The following IQSEC1 variants were observed in gnomAD, a reference collection of about 807,000 sequenced individuals.
IQSEC1 encodes IQ motif and SEC7 domain-containing protein 1.
IQSEC1 carries 31 observed loss-of-function variants against 91.0 expected under a neutral mutation model. The ratio of observed to expected loss-of-function variants is 0.34; its 90% CI spans 0.26 to 0.46. IQSEC1 has a LOEUF of 0.46. Ranked by LOEUF, IQSEC1 falls within the 20% of genes least tolerant of loss-of-function variation. The pLI is 1.00. For synonymous variants in IQSEC1, 699 were observed against 662.6 expected (o/e 1.05, Z -0.84); for missense variants, 1,388 against 1,575.6 (o/e 0.88, Z 2.02).
At chr3:12,981,675 T>A (rs1007800591) in intron 1 of IQSEC1, among the ~76,000 whole-genome samples, 2 of 152,210 alleles carry the variant, frequency 1.3e-5, no homozygotes, top group Non-Finnish European at 1.5e-5. Context: ...AATTGTGAAG[T>A]ATGATTGTAG....
chr3:13,032,247 C>G (rs1703869046), intron 1 of IQSEC1, among the ~76,000 whole-genome samples: 1 of 152,242 alleles, frequency 6.6e-6, no homozygotes, highest in Non-Finnish European at 1.5e-5. Flanking sequence ...CTGACACTGA[C>G]TCGGTACTAC....
rs999344382 is a variant in IQSEC1, at chr3:12,967,375, C to T, written c.24-25510G>A. The T allele has an allele frequency of 5.9e-6, 9 of 1,532,556 alleles. No homozygotes were observed. Among genetic ancestry groups the T allele is most frequent in the Non-Finnish European group, 7.9e-6 (9 of 1,143,498 alleles). The allele number at this position is 1,532,556 out of a possible 1,614,324, so 94.9% of individuals were successfully genotyped here. A position where few individuals can be genotyped will look rare whatever the true frequency, so the allele number is the denominator to read the frequency against. On this transcript the variant is annotated intron_variant, in intron 1 of 13. Coordinates refer to ENST00000613206, the MANE Select transcript of IQSEC1 (RefSeq NM_001134382.3). This position sits in a 1 kb window ranked among gnomAD's most constrained non-coding sequence, Gnocchi z 5.9. ...ACCCGGGAAGGCCGCTCGCCCCGCGCCGCGCCCTCACCCGCTGTCAAGCTC... is the reference window on the plus strand; with the variant it reads ...ACCCGGGAAGGCCGCTCGCCCCGCGTCGCGCCCTCACCCGCTGTCAAGCTC...
intron 2 of IQSEC1, among the ~76,000 whole-genome samples, chr3:13,085,960 G>A (rs896846443): frequency 1.3e-5 from 2 of 152,234 alleles, no homozygotes; most frequent in African/African-American, 4.8e-5. Flanking sequence ...GTGGCTCCAC[G>A]CGGCCCCTCT....
intron 1 of IQSEC1, among the ~76,000 whole-genome samples, chr3:13,069,563 T>G (rs1416790054): frequency 1.3e-5 from 2 of 152,174 alleles, no homozygotes; most frequent in Non-Finnish European, 2.9e-5. Context: ...CAGGTCATCA[T>G]GTCCCCCAAA....
At chr3:13,264,354 G>T (rs139330282) in intron 1 of IQSEC1, among the ~76,000 whole-genome samples, 1 of 152,334 alleles carries the variant, frequency 6.6e-6, no homozygotes, top group Non-Finnish European at 1.5e-5. Flanking sequence ...GAGGCCGAGG[G>T]CTCTAAGGAC....
At position 12,967,530 on chromosome 3, in the gene IQSEC1, C is replaced by G. The variant is rs997187580; in HGVS notation, c.24-25665G>C. The G allele has an allele frequency of 7.2e-6, 10 of 1,389,588 alleles. No homozygotes were observed. The highest frequency in any genetic ancestry group is 8.3e-6 in the Non-Finnish European group (9 of 1,080,078). The allele number at this position is 1,389,588 out of a possible 1,614,324, so 86.1% of individuals were successfully genotyped here. ...AGGCCGCCGACTCCCGCCAGCGAGC[C>G]GCCGGATCCCGGGGCCGACACCCGG... On this transcript the variant is annotated intron_variant, in intron 1 of 13. Transcript: ENST00000613206. This position sits in a 1 kb window ranked among gnomAD's most constrained non-coding sequence, Gnocchi z 5.9.
At chr3:13,233,525 C>T (rs973879192) in intron 1 of IQSEC1, among the ~76,000 whole-genome samples, 18 of 152,308 alleles carry the variant, frequency 1.2e-4, no homozygotes, top group Admixed American at 4.6e-4. Context: ...TCTATTCCAC[C>T]GTGTGGACAG....
At chr3:13,111,124 G>T (rs1706237968) in intron 2 of IQSEC1, among the ~76,000 whole-genome samples, 1 of 152,204 alleles carries the variant, frequency 6.6e-6, no homozygotes, top group South Asian at 2.1e-4. Context: ...AGGCTGGAGA[G>T]CAAAACACTG....
chr3:13,072,696 C>T (rs929393390), intron 1 of IQSEC1, among the ~76,000 whole-genome samples: 1 of 152,236 alleles, frequency 6.6e-6, no homozygotes, highest in Non-Finnish European at 1.5e-5. Context: ...CAGTAGGAGC[C>T]GGTCTGGGCA....
At chr3:12,946,089 A>G (rs1433877757) in intron 1 of IQSEC1, among the ~76,000 whole-genome samples, 2 of 152,180 alleles carry the variant, frequency 1.3e-5, no homozygotes, top group Non-Finnish European at 2.9e-5. Context: ...CAGATACCTT[A>G]GTGACAGAGC....
chr3:13,147,955 T>G (rs1706925477), intron 2 of IQSEC1, among the ~76,000 whole-genome samples: 1 of 152,242 alleles, frequency 6.6e-6, no homozygotes, highest in Admixed American at 6.5e-5. Flanking sequence ...TTTGATATAG[T>G]GACTTCTTTT....
At chr3:13,095,410 G>A (rs903671926) in intron 2 of IQSEC1, among the ~76,000 whole-genome samples, 1 of 152,182 alleles carries the variant, frequency 6.6e-6, no homozygotes, top group African/African-American at 2.4e-5. Flanking sequence ...GCTGGTGTGC[G>A]CTCCTTTAGG....
chr3:13,266,454 G>C (rs1695490977), intron 1 of IQSEC1, among the ~76,000 whole-genome samples: 1 of 152,174 alleles, frequency 6.6e-6, no homozygotes, highest in South Asian at 2.1e-4. Flanking sequence ...TGGGTGACGG[G>C]GAGCCCACAG....
intron 1 of IQSEC1, among the ~76,000 whole-genome samples, chr3:13,243,135 G>C (rs1420137648): frequency 6.6e-6 from 1 of 152,164 alleles, no homozygotes; most frequent in Non-Finnish European, 1.5e-5. Context: ...TTCGCACACA[G>C]AGATGCTCAC....
intron 1 of IQSEC1, among the ~76,000 whole-genome samples, chr3:13,025,743 G>A (rs1278026675): frequency 2.0e-5 from 3 of 152,324 alleles, no homozygotes; most frequent in Middle Eastern, 6.8e-3. Context: ...GGAACTGCAG[G>A]TGACAGTATG....
Position 13,096,447 on chromosome 3 carries a change from C to T in IQSEC1, c.303-48925G>A, listed in dbSNP as rs149188555. Reference sequence around the variant, plus strand: ...ACACTGGGCCGTGTAGGGCACACGCCCTTCCCAGAAGGGATTCGCAGTCTA... The same window carrying T: ...ACACTGGGCCGTGTAGGGCACACGCTCTTCCCAGAAGGGATTCGCAGTCTA... On this transcript the variant is annotated intron_variant, in intron 2 of 15. Coordinates refer to the IQSEC1 transcript ENST00000648114. Among the ~76,000 whole-genome samples the T allele has an allele frequency of 1.3e-3, 197 of 152,258 alleles. 2 individuals carry two copies. The highest frequency in any genetic ancestry group is 4.3e-3 in the African/African-American group (180 of 41,540).
intron 1 of IQSEC1, among the ~76,000 whole-genome samples, chr3:12,985,087 G>A (rs1701661312): frequency 6.6e-6 from 1 of 152,104 alleles, no homozygotes; most frequent in Admixed American, 6.5e-5. Flanking sequence ...GCCTCCCAAA[G>A]TGCTGGGATT....
In IQSEC1 at chr3:12,940,458, G is replaced by A. The variant is rs1476899836; in HGVS notation, c.318+1113C>T. Among the ~76,000 whole-genome samples the A allele has an allele frequency of 6.6e-6, 1 of 151,778 alleles. No homozygotes were observed. Among genetic ancestry groups the A allele is most frequent in the Non-Finnish European group, 1.5e-5 (1 of 67,908 alleles). ...AAAAAGGATAACCAGGAAGATCTGGGAGCAAGCAGAGGGCGGGCGGGGCCA... is the reference window on the plus strand; with the variant it reads ...AAAAAGGATAACCAGGAAGATCTGGAAGCAAGCAGAGGGCGGGCGGGGCCA... On this transcript the variant is annotated intron_variant, in intron 2 of 13. Transcript: ENST00000613206. This position sits in a 1 kb window ranked among gnomAD's most constrained non-coding sequence, Gnocchi z 4.4.
intron 3 of IQSEC1, among the ~76,000 whole-genome samples, chr3:12,925,261 C>A (rs1332348239): frequency 6.6e-6 from 1 of 152,222 alleles, no homozygotes; most frequent in East Asian, 1.9e-4. Context: ...ACCCTCCCCG[C>A]CTGCCAACGG....
Sources: gnomAD v4.1 joint callset for allele counts (sites outside exome capture counted in the v4.1 genomes callset) on GRCh38, gnomAD v4.1.1 for gene constraint, Gnocchi (gnomAD v3.1) non-coding constraint, MANE v1.5 for transcripts, NCBI Gene and HGNC (gene_info 2026-07-23, HGNC 2026-07-21) for gene names.